Variants in CTNNA2 observed in about 807,000 individuals in gnomAD.
CTNNA2 encodes catenin alpha-2.
A neutral mutation model predicts 101.0 loss-of-function variants in CTNNA2; 42 were observed. The ratio of observed to expected loss-of-function variants is 0.42; its 90% CI spans 0.32 to 0.54. The LOEUF (loss-of-function observed/expected upper bound fraction) is 0.54, where lower values mean the gene tolerates loss of function less well. CTNNA2 is among the 20% of genes least tolerant of loss of function. CTNNA2 has a pLI of 0.14. For synonymous variants in CTNNA2, 450 were observed against 456.4 expected (o/e 0.99, Z 0.18); for missense variants, 871 against 1,223.1 (o/e 0.71, Z 4.29).
chr2:79,430,667 A>G (rs562789119), intron 4 of CTNNA2, among the ~76,000 whole-genome samples: 5 of 152,172 alleles, frequency 3.3e-5, no homozygotes, highest in African/African-American at 1.2e-4. Context: ...TTTTAATTCC[A>G]TTTTATATAT....
chr2:79,297,584 G>C (rs1676010879), intron 2 of CTNNA2, among the ~76,000 whole-genome samples: 1 of 152,086 alleles, frequency 6.6e-6, no homozygotes, highest in Non-Finnish European at 1.5e-5. Flanking sequence ...CCAAGCCTTG[G>C]TTTCTCTACA....
chr2:80,177,148 T>A (rs927355002), intron 7 of CTNNA2, among the ~76,000 whole-genome samples: 3 of 152,094 alleles, frequency 2.0e-5, no homozygotes, highest in African/African-American at 7.2e-5. Context: ...GTGAGACCAG[T>A]GGGTTTCATG....
intron 7 of CTNNA2, among the ~76,000 whole-genome samples, chr2:80,368,295 A>C (rs1457855424): frequency 2.0e-5 from 3 of 152,200 alleles, no homozygotes; most frequent in Admixed American, 2.0e-4. Flanking sequence ...TAAGGCATTG[A>C]AAAGTATTTC....
intron 1 of CTNNA2, among the ~76,000 whole-genome samples, chr2:79,532,472 T>G (rs1672805041): frequency 1.3e-5 from 2 of 152,172 alleles, no homozygotes; most frequent in Non-Finnish European, 2.9e-5. Flanking sequence ...TGAGTATAGG[T>G]GGATTCATTG....
intron 4 of CTNNA2, among the ~76,000 whole-genome samples, chr2:79,468,076 A>C (rs540772044): frequency 6.6e-6 from 1 of 152,238 alleles, no homozygotes; most frequent in African/African-American, 2.4e-5. Context: ...TAAAAGACAC[A>C]GACTAGCAAA....
At chr2:80,114,942 C>T (rs542600440) in intron 7 of CTNNA2, among the ~76,000 whole-genome samples, 2 of 152,246 alleles carry the variant, frequency 1.3e-5, no homozygotes, top group Non-Finnish European at 2.9e-5. Context: ...AGTGGACTTC[C>T]GAGAGCAGAC....
rs17019148 is a variant in CTNNA2, at chr2:80,393,082, T to C, written c.1057-129T>C. Reference sequence around the variant, plus strand: ...TAGAGACCAAATCATGTTATAGTTATGTATTGAAAATAATCTTTTTAAAAA... The same window carrying C: ...TAGAGACCAAATCATGTTATAGTTACGTATTGAAAATAATCTTTTTAAAAA... On this transcript the variant is annotated intron_variant, in intron 7 of 18. Transcript: ENST00000402739. 8,966 of 620,774 alleles carry C rather than the reference T, an allele frequency of 0.014. 647 individuals are homozygous for C. In the African/African-American group the frequency reaches 0.15, roughly 10 times the overall value. The allele number at this position is 620,774 out of a possible 1,614,324, so 38.5% of individuals were successfully genotyped here. A position where few individuals can be genotyped will look rare whatever the true frequency, so the allele number is the denominator to read the frequency against.
chr2:79,585,681 C>T (rs911945485), intron 1 of CTNNA2, among the ~76,000 whole-genome samples: 5 of 152,094 alleles, frequency 3.3e-5, no homozygotes, highest in Admixed American at 2.0e-4. Flanking sequence ...GTGCCCTTGT[C>T]TACCCTGGCC....
intron 2 of CTNNA2, among the ~76,000 whole-genome samples, chr2:79,280,656 T>TGTGTGTGTGTGTGTG (rs1337075035): frequency 5.2e-5 from 5 of 96,752 alleles, no homozygotes; most frequent in South Asian, 3.9e-4. Flanking sequence ...TGTGTGTGTG[T>TGTGTGTGTGTGTGTG]AAGAGAAAGA....
intron 7 of CTNNA2, among the ~76,000 whole-genome samples, chr2:79,960,930 A>C (rs1341900995): frequency 1.3e-5 from 2 of 152,154 alleles, no homozygotes; most frequent in Non-Finnish European, 2.9e-5. Context: ...TTCAGTAATC[A>C]CTGGGTGATA....
chr2:79,346,014 T>A (rs572864784), intron 3 of CTNNA2, among the ~76,000 whole-genome samples: 1 of 152,232 alleles, frequency 6.6e-6, no homozygotes, highest in South Asian at 2.1e-4. Context: ...AGTTTTAATA[T>A]GAAGAAAACT....
chr2:80,025,768 G>A (rs1459400050), intron 7 of CTNNA2, among the ~76,000 whole-genome samples: 1 of 152,144 alleles, frequency 6.6e-6, no homozygotes, highest in African/African-American at 2.4e-5. Flanking sequence ...CATGTATGGA[G>A]AGGTATAGCT....
intron 6 of CTNNA2, among the ~76,000 whole-genome samples, chr2:79,885,180 A>C (rs1305674380): frequency 6.6e-6 from 1 of 152,074 alleles, no homozygotes; most frequent in African/African-American, 2.4e-5. Context: ...CCAGGGTTGG[A>C]GTGCATTTTC....
At chr2:79,862,507 C>G (rs1681699867) in intron 4 of CTNNA2, among the ~76,000 whole-genome samples, 1 of 152,134 alleles carries the variant, frequency 6.6e-6, no homozygotes, top group Admixed American at 6.5e-5. Flanking sequence ...CATAAAATAG[C>G]CTTGCCTCTC....
chr2:79,210,115 T>TG (rs1572979854), intron 2 of CTNNA2, among the ~76,000 whole-genome samples: 5 of 151,792 alleles, frequency 3.3e-5, no homozygotes, highest in African/African-American at 7.3e-5. Context: ...TGTGTGTGTG[T>TG]TTAAGCAGAA....
At position 79,662,491 on chromosome 2, in the gene CTNNA2, G is replaced by A. The variant is rs1302657612; in HGVS notation, c.102+10833G>A. Among the ~76,000 whole-genome samples, 3 of 152,124 alleles carry A rather than the reference G, an allele frequency of 2.0e-5. No homozygotes were observed. The East Asian group carries it at 5.8e-4, about 30-fold the overall frequency. On this transcript the variant is annotated intron_variant, in intron 2 of 18. Coordinates refer to ENST00000402739, the MANE Select transcript of CTNNA2 (RefSeq NM_001282597.3). ...AAATTTCAAGGGAAAGATTGGGGGCGGTTAGCTAACAAAATTGCTTTTAAC... is the reference window on the plus strand; with the variant it reads ...AAATTTCAAGGGAAAGATTGGGGGCAGTTAGCTAACAAAATTGCTTTTAAC...
chr2:80,534,753 T>C (rs1030666647), intron 9 of CTNNA2, among the ~76,000 whole-genome samples: 3 of 152,188 alleles, frequency 2.0e-5, no homozygotes, highest in Admixed American at 1.3e-4. Flanking sequence ...AATTCACTTA[T>C]TCCAGGGACC....
intron 4 of CTNNA2, among the ~76,000 whole-genome samples, chr2:79,384,135 AG>A (rs1678071074): frequency 6.6e-6 from 1 of 152,178 alleles, no homozygotes; most frequent in South Asian, 2.1e-4. Context: ...GATTTACTGA[AG>A]TTATGAAGAA....
chr2:80,614,862 AC>A (rs1698724843), intron 17 of CTNNA2, among the ~76,000 whole-genome samples: 2 of 151,344 alleles, frequency 1.3e-5, no homozygotes, highest in African/African-American at 4.8e-5. Flanking sequence ...TTGAGTGAAG[AC>A]CTTTATTTAG....
Sources: allele counts gnomAD v4.1 joint callset (sites outside exome capture counted in the v4.1 genomes callset), GRCh38; gene constraint gnomAD v4.1.1; transcripts MANE v1.5; gene names NCBI Gene and HGNC (gene_info 2026-07-23, HGNC 2026-07-21).